Variants in CNTLN observed in about 807,000 individuals in gnomAD.
CNTLN encodes the protein centlein, also known as centlein, centrosomal protein.
CNTLN carries 212 observed loss-of-function variants against 180.0 expected under a neutral mutation model. The observed-to-expected ratio is 1.18, with a 90% CI of 1.05 to 1.32. The LOEUF (loss-of-function observed/expected upper bound fraction) is 1.32. Among genes scored for constraint, CNTLN ranks in the 40% most tolerant of loss-of-function variants. CNTLN has a pLI of 0.00. For missense variants in CNTLN, 2,095 were observed against 1,610.9 expected (o/e 1.30, Z -5.14); for synonymous variants, 722 against 563.1 (o/e 1.28, Z -3.99).
intron 8 of CNTLN, among the ~76,000 whole-genome samples, chr9:17,311,686 G>A (rs551958842): frequency 1.3e-5 from 2 of 152,128 alleles, no homozygotes; most frequent in South Asian, 2.1e-4. Context: ...GCGCGTGCCT[G>A]TAGTCCCATC....
Position 17,236,396 on chromosome 9 carries a change from T to C in CNTLN, c.670-13T>C, listed in dbSNP as rs1179349100. The C allele has an allele frequency of 1.9e-6, 3 of 1,559,014 alleles. No homozygotes were observed. The highest frequency in any genetic ancestry group is 2.6e-6 in the Non-Finnish European group (3 of 1,158,800). ...TTGTTTTATTTATTTGCCCTTGTGG[T>C]ACTGTTCTACAGGACACTAAGGAGT... On this transcript the variant is annotated splice_polypyrimidine_tract_variant and intron_variant, in intron 4 of 25. Transcript: ENST00000380647.
chr9:17,290,321 G>A lies in CNTLN; in HGVS notation c.984-7869G>A, dbSNP rs1016862970. Among the ~76,000 whole-genome samples the A allele has an allele frequency of 4.5e-3, 677 of 151,082 alleles. 4 individuals carry two copies. The highest frequency in any genetic ancestry group is 0.011 in the African/African-American group (446 of 41,244). On this transcript the variant is annotated intron_variant, in intron 6 of 25. Transcript: ENST00000380647. ...GGGGTGCCTCCCAGTTAGGCTGCTC[G>A]GGGGTCAGGGGTCAGGGACCCACTT...
At position 17,466,691 on chromosome 9, in the gene CNTLN, G is replaced by C. The variant is rs766649147; in HGVS notation, c.3670-15G>C. On this transcript the variant is annotated splice_polypyrimidine_tract_variant and intron_variant, in intron 22 of 25. Coordinates refer to ENST00000380647, the MANE Select transcript of CNTLN (RefSeq NM_017738.4). Reference sequence around the variant, plus strand: ...ATAAAATATCTTTTATTTTATGACTGCTGATCTTTTGCAGGATCTCAAGCT... The same window carrying C: ...ATAAAATATCTTTTATTTTATGACTCCTGATCTTTTGCAGGATCTCAAGCT... The C allele has an allele frequency of 1.9e-5, 31 of 1,597,978 alleles. No individual in the cohort carries two copies. The Admixed American group carries it at 5.2e-4, about 27-fold the overall frequency.
intron 8 of CNTLN, among the ~76,000 whole-genome samples, chr9:17,324,544 G>T (rs557820106): frequency 2.5e-4 from 38 of 152,104 alleles, no homozygotes; most frequent in Non-Finnish European, 5.4e-4. Flanking sequence ...ACTAATTTTT[G>T]TCAGTACAGT....
intron 18 of CNTLN, among the ~76,000 whole-genome samples, chr9:17,446,322 C>G (rs927759945): frequency 6.6e-6 from 1 of 152,114 alleles, no homozygotes; most frequent in Non-Finnish European, 1.5e-5. Flanking sequence ...GGCAACCCAC[C>G]CCTACAGACC....
At chr9:17,251,849 T>C (rs1168705133) in intron 5 of CNTLN, among the ~76,000 whole-genome samples, 1 of 151,898 alleles carries the variant, frequency 6.6e-6, no homozygotes, top group Non-Finnish European at 1.5e-5. Context: ...TCCATCTAAC[T>C]GCATATTAGT....
chr9:17,435,889 C>G (rs899906525), intron 18 of CNTLN, among the ~76,000 whole-genome samples: 1 of 152,034 alleles, frequency 6.6e-6, no homozygotes, highest in Non-Finnish European at 1.5e-5. Flanking sequence ...TACGGGCACA[C>G]TTCCCATCTG....
chr9:17,159,006 A>G (rs1046727665), intron 2 of CNTLN, among the ~76,000 whole-genome samples: 2 of 152,000 alleles, frequency 1.3e-5, no homozygotes, highest in Non-Finnish European at 2.9e-5. Flanking sequence ...GCACTGCTTT[A>G]GCTGCATTTC....
At chr9:17,393,940 TAAATG>T (rs1826299020) in intron 14 of CNTLN, among the ~76,000 whole-genome samples, 1 of 152,140 alleles carries the variant, frequency 6.6e-6, no homozygotes, top group South Asian at 2.1e-4. Context: ...TTTATTGAAA[TAAATG>T]GGAAAATTTT....
intron 25 of CNTLN, among the ~76,000 whole-genome samples, chr9:17,500,261 A>G (rs1833671546): frequency 6.6e-6 from 1 of 152,220 alleles, no homozygotes; most frequent in Admixed American, 6.5e-5. Flanking sequence ...GGGAGTTGGT[A>G]ATAAATTCGT....
chr9:17,193,573 C>T (rs1055260576), intron 2 of CNTLN, among the ~76,000 whole-genome samples: 1 of 152,148 alleles, frequency 6.6e-6, no homozygotes, highest in Non-Finnish European at 1.5e-5. Context: ...AGGTGAGTTC[C>T]CATGGTCTTG....
At chr9:17,384,362 G>A (rs1167333380) in intron 13 of CNTLN, among the ~76,000 whole-genome samples, 1 of 151,486 alleles carries the variant, frequency 6.6e-6, no homozygotes, top group African/African-American at 2.4e-5. Context: ...CATCGTCCTG[G>A]TAACTTCCTT....
intron 13 of CNTLN, among the ~76,000 whole-genome samples, chr9:17,368,308 G>C (rs1424649195): frequency 6.6e-6 from 1 of 152,188 alleles, no homozygotes; most frequent in Admixed American, 6.5e-5. Context: ...CTGGTGGTTT[G>C]AGTGCCAGCT....
At chr9:17,245,221 C>T (rs1469451352) in intron 5 of CNTLN, among the ~76,000 whole-genome samples, 3 of 151,662 alleles carry the variant, frequency 2.0e-5, no homozygotes, top group East Asian at 1.9e-4. Flanking sequence ...TTTAGCGTTC[C>T]TTGTAGGACA....
chr9:17,377,510 C>A (rs1824875792), intron 13 of CNTLN, among the ~76,000 whole-genome samples: 1 of 152,152 alleles, frequency 6.6e-6, no homozygotes, highest in Non-Finnish European at 1.5e-5. Flanking sequence ...CATTGCACTG[C>A]AGCCTGGGCG....
At chr9:17,389,348 G>T (rs10119902) in intron 14 of CNTLN, among the ~76,000 whole-genome samples, 123,831 of 151,620 alleles carry the variant, frequency 0.82, 51,037 homozygotes, top group Non-Finnish European at 0.87. Context: ...GCTTATCACC[G>T]TTTTTTCAGA....
At chr9:17,495,545 T>C (rs1026596517) in intron 25 of CNTLN, among the ~76,000 whole-genome samples, 48 of 152,190 alleles carry the variant, frequency 3.2e-4, no homozygotes, top group African/African-American at 1.2e-3. Context: ...TATGTTTATG[T>C]TTTAAGCTAA....
intron 5 of CNTLN, among the ~76,000 whole-genome samples, chr9:17,246,724 C>G (rs1436613536): frequency 6.6e-6 from 1 of 152,272 alleles, no homozygotes; most frequent in South Asian, 2.1e-4. Context: ...GTCCTCTATT[C>G]CATTATGGTT....
intron 13 of CNTLN, among the ~76,000 whole-genome samples, chr9:17,371,956 C>T (rs1184890511): frequency 6.6e-6 from 1 of 151,964 alleles, no homozygotes; most frequent in Non-Finnish European, 1.5e-5. Flanking sequence ...CTATGGGATA[C>T]AGCAAAAGCA....
Sources: allele counts gnomAD v4.1 joint callset (sites outside exome capture counted in the v4.1 genomes callset), GRCh38; gene constraint gnomAD v4.1.1; transcripts MANE v1.5; gene names NCBI Gene and HGNC (gene_info 2026-07-23, HGNC 2026-07-21).